Variants in SLC10A7 observed in about 807,000 individuals in gnomAD.
SLC10A7 encodes solute carrier family 10 member 7, also known as sodium/bile acid cotransporter 7.
SLC10A7 carries 29 observed loss-of-function variants against 43.2 expected under a neutral mutation model. The ratio of observed to expected loss-of-function variants is 0.67; its 90% confidence interval spans 0.50 to 0.92. The LOEUF is 0.92. SLC10A7 is among the 40% of genes least tolerant of loss of function. The probability of loss-of-function intolerance (pLI) is 0.00; values close to 1 mark genes in which losing one functional copy is unlikely to be tolerated. For synonymous variants in SLC10A7, 152 were observed against 144.8 expected (o/e 1.05, Z -0.35); for missense variants, 295 against 403.2 (o/e 0.73, Z 2.30).
At chr4:146,374,454 T>TG (rs1737017633) in intron 5 of SLC10A7, among the ~76,000 whole-genome samples, 1 of 151,976 alleles carries the variant, frequency 6.6e-6, no homozygotes, top group Admixed American at 6.6e-5. Context: ...CTGGGCATGG[T>TG]GGTGCACGCC....
chr4:146,477,781 A>T (rs1201790175), intron 4 of SLC10A7: 1 of 152,224 alleles, frequency 6.6e-6, no homozygotes, highest in Non-Finnish European at 1.5e-5. Context: ...ACTTGTGCTT[A>T]AAAAAGATTA....
At chr4:146,519,114 A>ATATAT (rs1738355133) in intron 1 of SLC10A7, among the ~76,000 whole-genome samples, 1 of 110,386 alleles carries the variant, frequency 9.1e-6, no homozygotes, top group African/African-American at 3.4e-5. Flanking sequence ...TATATATATA[A>ATATAT]TATAATATAT....
intron 5 of SLC10A7, among the ~76,000 whole-genome samples, chr4:146,402,506 C>T (rs979371146): frequency 6.6e-6 from 1 of 152,100 alleles, no homozygotes; most frequent in Admixed American, 6.5e-5. Flanking sequence ...CCCAACACAC[C>T]CGCTTGGTCC....
intron 5 of SLC10A7, among the ~76,000 whole-genome samples, chr4:146,381,965 T>G (rs1312641211): frequency 1.3e-5 from 2 of 151,732 alleles, no homozygotes; most frequent in East Asian, 3.9e-4. Flanking sequence ...TATAGAAGAC[T>G]ACACAGAAAA....
At chr4:146,331,621 A>G (rs1268027240) in intron 5 of SLC10A7, among the ~76,000 whole-genome samples, 1 of 152,200 alleles carries the variant, frequency 6.6e-6, no homozygotes, top group Non-Finnish European at 1.5e-5. Context: ...ACAGGTGTTC[A>G]TTCTGTATGT....
chr4:146,293,536 T>C (rs1730582302), intron 8 of SLC10A7, among the ~76,000 whole-genome samples: 1 of 152,222 alleles, frequency 6.6e-6, no homozygotes, highest in African/African-American at 2.4e-5. Context: ...CAAGTTATTA[T>C]ACTTAGAAAT....
chr4:146,488,902 G>A (rs935079820), intron 4 of SLC10A7, among the ~76,000 whole-genome samples: 2 of 152,134 alleles, frequency 1.3e-5, no homozygotes, highest in Non-Finnish European at 2.9e-5. Flanking sequence ...TATAAGGCTA[G>A]ACAAATTTCT....
chr4:146,469,852 G>T (rs558881687), intron 4 of SLC10A7, among the ~76,000 whole-genome samples: 207 of 152,058 alleles, frequency 1.4e-3, no homozygotes, highest in African/African-American at 4.6e-3. Flanking sequence ...CTAGTCTCAG[G>T]TAACTCCTGG....
chr4:146,279,282 G>A (rs776404659), intron 10 of SLC10A7, among the ~76,000 whole-genome samples: 3 of 152,092 alleles, frequency 2.0e-5, no homozygotes, highest in South Asian at 2.1e-4. Flanking sequence ...GCTAAGTATC[G>A]TGAGAAAGTT....
intron 10 of SLC10A7, among the ~76,000 whole-genome samples, chr4:146,281,664 T>C (rs1021246185): frequency 6.6e-6 from 1 of 152,074 alleles, no homozygotes; most frequent in African/African-American, 2.4e-5. Flanking sequence ...ATAACACACA[T>C]GGGAAAGAAG....
chr4:146,490,172 C>T (rs767871341), intron 4 of SLC10A7, among the ~76,000 whole-genome samples: 4 of 152,024 alleles, frequency 2.6e-5, no homozygotes, highest in Non-Finnish European at 5.9e-5. Context: ...TATAGCCTAT[C>T]CTTAAGAGCA....
intron 5 of SLC10A7, among the ~76,000 whole-genome samples, chr4:146,400,322 G>T (rs141390428): frequency 6.6e-6 from 1 of 152,082 alleles, no homozygotes; most frequent in Non-Finnish European, 1.5e-5. Context: ...TGGGTATGGG[G>T]TGGGATTGGC....
chr4:146,254,739 C>G lies in SLC10A7; in HGVS notation c.*1752G>C, dbSNP rs1727808439. 6.6e-6 allele frequency: 1 copy of G among 152,174 alleles called. No individual in the cohort carries two copies. The highest frequency in any genetic ancestry group is 2.1e-4 in the South Asian group (1 of 4,828). 9.4% of individuals were successfully genotyped at this position (152,174 alleles called of 1,614,324 possible). On this transcript the variant is annotated 3_prime_UTR_variant, in exon 12 of 12. Transcript: ENST00000335472. ...ACAGACAGACAGACACTTCCATTTA[C>G]TCCAAAATTCAAAGAAACTTGTAGG...
chr4:146,496,019 G>T (rs1735868035), intron 4 of SLC10A7, among the ~76,000 whole-genome samples: 1 of 152,166 alleles, frequency 6.6e-6, no homozygotes, highest in Non-Finnish European at 1.5e-5. Context: ...GCCTAATGCT[G>T]CAAGTAGCAA....
chr4:146,511,754 C>A (rs1395912715), intron 2 of SLC10A7, among the ~76,000 whole-genome samples: 1 of 152,118 alleles, frequency 6.6e-6, no homozygotes, highest in African/African-American at 2.4e-5. Context: ...AGAAAGCAAG[C>A]CATCCTTACA....
At chr4:146,511,969 C>CTTTTTTT (rs765683134) in intron 2 of SLC10A7, among the ~76,000 whole-genome samples, 17 of 98,824 alleles carry the variant, frequency 1.7e-4, no homozygotes, top group African/African-American at 2.0e-4. Flanking sequence ...TGCATATACT[C>CTTTTTTT]TTTTTTTTTT....
intron 4 of SLC10A7, among the ~76,000 whole-genome samples, chr4:146,486,557 G>T (rs1175894399): frequency 1.3e-5 from 2 of 152,126 alleles, no homozygotes; most frequent in African/African-American, 4.8e-5. Flanking sequence ...ATATGTGCAT[G>T]GTGTCTTACA....
intron 4 of SLC10A7, among the ~76,000 whole-genome samples, chr4:146,496,378 C>T (rs1177462314): frequency 6.6e-6 from 1 of 152,148 alleles, no homozygotes; most frequent in Non-Finnish European, 1.5e-5. Flanking sequence ...AAGATGGTCT[C>T]CCTAACCTTC....
At chr4:146,321,387 GTTC>G (rs894065812) in intron 6 of SLC10A7, among the ~76,000 whole-genome samples, 2 of 151,868 alleles carry the variant, frequency 1.3e-5, no homozygotes, top group African/African-American at 4.8e-5. Flanking sequence ...TTCTCTTCTT[GTTC>G]TTATAAGGAC....
Sources: gnomAD v4.1 joint callset for allele counts (sites outside exome capture counted in the v4.1 genomes callset) on GRCh38, gnomAD v4.1.1 for gene constraint, MANE v1.5 for transcripts, NCBI Gene and HGNC (gene_info 2026-07-23, HGNC 2026-07-21) for gene names.